GSTA5: variants seen among roughly 807,000 people sequenced by gnomAD.
The protein encoded by GSTA5 is glutathione S-transferase A5.
GSTA5 carries 25 observed loss-of-function variants against 21.8 expected under a neutral mutation model. The observed-to-expected ratio is 1.14, with a 90% confidence interval of 0.83 to 1.60. The LOEUF (loss-of-function observed/expected upper bound fraction) is 1.60. Among genes scored for constraint, GSTA5 ranks in the 40% most tolerant of loss-of-function variants. The pLI, the probability that GSTA5 is intolerant of heterozygous loss-of-function variation, is 0.00. For missense variants in GSTA5, 330 were observed against 259.2 expected, an observed-to-expected ratio of 1.27 and a Z score of -1.88; for synonymous variants, 102 against 89.5, an observed-to-expected ratio of 1.14 and a Z score of -0.78.
upstream of GSTA5, among the ~76,000 whole-genome samples, chr6:52,842,542 A>T (rs1764393295): frequency 6.6e-6 from 1 of 150,860 alleles, no homozygotes; most frequent in South Asian, 2.1e-4. Context: ...AGTAGCTTGG[A>T]TTACCAGCAC....
intron 2 of GSTA5, among the ~76,000 whole-genome samples, chr6:52,837,147 G>A (rs966209471): frequency 9.9e-5 from 15 of 152,078 alleles, no homozygotes; most frequent in African/African-American, 3.6e-4. Flanking sequence ...GTGTTACTTT[G>A]TCACGCCCCC....
upstream of GSTA5, among the ~76,000 whole-genome samples, chr6:52,844,754 T>A (rs1764430507): frequency 6.6e-6 from 1 of 152,176 alleles, no homozygotes; most frequent in Non-Finnish European, 1.5e-5. Context: ...GTACAAAAAA[T>A]TCATAGTAGG....
At chr6:52,831,782 A>G in exon 6 of GSTA5, 1 of 1,586,928 alleles carries the variant, frequency 6.3e-7, no homozygotes, top group Non-Finnish European at 8.6e-7. Context: ...ACTTAGGTAA[A>G]GCACTTCATT....
exon 4 of GSTA5, chr6:52,834,173 T>G: frequency 6.2e-7 from 1 of 1,614,186 alleles, no homozygotes; most frequent in Non-Finnish European, 8.5e-7. Flanking sequence ...CGATTTTTTA[T>G]TTTCTCTTTG....
chr6:52,835,098 A>C (rs1176395064), intron 3 of GSTA5, among the ~76,000 whole-genome samples: 1 of 152,242 alleles, frequency 6.6e-6, no homozygotes, highest in Admixed American at 6.5e-5. Context: ...AAAAATCATC[A>C]CAGTCTAATT....
chr6:52,837,584 G>T, exon 2 of GSTA5: 2 of 1,608,418 alleles, frequency 1.2e-6, no homozygotes, highest in South Asian at 1.1e-5. Flanking sequence ...CAAATCTTCT[G>T]CAGATTCTAG....
chr6:52,846,183 AC>A, the GSTA5 span: 6 of 168,702 alleles, frequency 3.6e-5, no homozygotes, highest in Non-Finnish European at 7.7e-5. Flanking sequence ...GTTAGGGAAA[AC>A]CCACTCCCAC....
chr6:52,835,742 C>G (rs1764283463), intron 3 of GSTA5, among the ~76,000 whole-genome samples: 1 of 152,184 alleles, frequency 6.6e-6, no homozygotes, highest in Non-Finnish European at 1.5e-5. Flanking sequence ...CCAGCCTCTA[C>G]TAGCCCTGCT....
At position 52,832,876 on chromosome 6, in the gene GSTA5, T is replaced by G. The variant is rs765635588; in HGVS notation, c.529A>C (p.Ser177Arg). The change falls in exon 5 of 6, where the codon AGC (serine) becomes CGC (arginine). Residue 177 changes from serine to arginine, a missense_variant. Coordinates refer to ENST00000370989, the Ensembl canonical transcript of GSTA5. ...TGGGTCACCTTCAGCAGAGGGAAGC[T>G]GGAGATAAGACTCGAGTCAAGCTCT... 6.2e-7 allele frequency: 1 copy of G among 1,613,986 alleles called. No individual in the cohort carries two copies. The highest frequency in any genetic ancestry group is 2.2e-5 in the East Asian group (1 of 44,876).
chr6:52,840,893 A>G (rs1217721971), upstream of GSTA5: 1 of 1,331,924 alleles, frequency 7.5e-7, no homozygotes. Context: ...AATGTACTTT[A>G]GGATGTGTGG....
At chr6:52,838,852 A>G (rs1471951110) in intron 1 of GSTA5, among the ~76,000 whole-genome samples, 1 of 152,162 alleles carries the variant, frequency 6.6e-6, no homozygotes, top group Non-Finnish European at 1.5e-5. Context: ...GGAATATAAT[A>G]TTTTCTTAAA....
rs1581813975 is a variant in GSTA5, at chr6:52,832,063, C to T, written c.547-93G>A. 32 of 1,511,162 alleles carry T rather than the reference C, an allele frequency of 2.1e-5. No individual in the cohort carries two copies. The East Asian group carries it at 6.7e-4, about 32-fold the overall frequency. The allele number at this position is 1,511,162 out of a possible 1,614,324, so 93.6% of individuals were successfully genotyped here. A position where few individuals can be genotyped will look rare whatever the true frequency, so the allele number is the denominator to read the frequency against. ...GAATGTGAGCCCCTCATGCCAAAGA[C>T]CAAGCGAGTCCCCTCCATGAGTACC... On this transcript the variant is annotated intron_variant, in intron 5 of 5. Coordinates refer to ENST00000370989, the Ensembl canonical transcript of GSTA5.
At chr6:52,845,983 A>G in the GSTA5 span, 1 of 154,864 alleles carries the variant, frequency 6.5e-6, no homozygotes, top group Non-Finnish European at 1.4e-5. Context: ...CTAAGGACAC[A>G]TATTAGCATA....
intron 3 of GSTA5, 90 bp downstream of exon 3, chr6:52,836,146 A>C (rs1485007881): frequency 7.0e-7 from 1 of 1,430,932 alleles, no homozygotes; most frequent in African/African-American, 1.4e-5. Flanking sequence ...GCTGCTGGTC[A>C]TGATGCCCTG....
exon 5 of GSTA5, chr6:52,832,859 C>T (rs1322670748): frequency 3.7e-6 from 6 of 1,613,708 alleles, no homozygotes; most frequent in African/African-American, 1.3e-5. Flanking sequence ...AATGGGTCAC[C>T]TTCAGCAGAG....
chr6:52,831,862 T>A (rs755152117), exon 6 of GSTA5: 2 of 1,614,082 alleles, frequency 1.2e-6, no homozygotes, highest in Non-Finnish European at 8.5e-7. Flanking sequence ...AACCTGAAAA[T>A]CTTCCTTGCT....
chr6:52,844,049 C>A (rs1236463159), upstream of GSTA5, among the ~76,000 whole-genome samples: 3 of 152,076 alleles, frequency 2.0e-5, no homozygotes, highest in African/African-American at 7.2e-5. Context: ...ACATGCTCCT[C>A]ATTCATGGTC....
At chr6:52,840,689 T>C (rs1165505408) in intron 1 of GSTA5, 38 bp downstream of exon 1, 1 of 1,580,324 alleles carries the variant, frequency 6.3e-7, no homozygotes, top group South Asian at 1.1e-5. Flanking sequence ...ATAACGCAAT[T>C]TTAAATCCAA....
At chr6:52,841,083 G>A (rs1764372151), upstream of GSTA5, among the ~76,000 whole-genome samples, 1 of 152,124 alleles carries the variant, frequency 6.6e-6, no homozygotes, top group Non-Finnish European at 1.5e-5. Context: ...AGAGTATGTG[G>A]TAATAATACA....
Sources: allele counts gnomAD v4.1 joint callset (sites outside exome capture counted in the v4.1 genomes callset), GRCh38; gene constraint gnomAD v4.1.1; transcripts MANE v1.5; gene names NCBI Gene and HGNC (gene_info 2026-07-23, HGNC 2026-07-21).